NCAPD3: variants seen among roughly 807,000 people sequenced by gnomAD.
NCAPD3 encodes the protein non-SMC condensin II complex subunit D3.
A neutral mutation model predicts 182.9 loss-of-function variants in NCAPD3; 105 were observed. The ratio of observed to expected loss-of-function variants is 0.57; its 90% CI spans 0.49 to 0.68. The LOEUF is 0.68. Ranked by LOEUF, NCAPD3 falls within the 30% of genes least tolerant of loss-of-function variation. NCAPD3 has a pLI of 0.00. For synonymous variants in NCAPD3, 815 were observed against 679.9 expected, an observed-to-expected ratio of 1.20 and a Z score of -3.09; for missense variants, 1,944 against 1,837.0, an observed-to-expected ratio of 1.06 and a Z score of -1.07.
rs527285444 is a variant in NCAPD3, at chr11:134,152,966, G to T, written c.4475C>A (p.Thr1492Asn). 65 of 1,564,442 alleles carry T rather than the reference G, an allele frequency of 4.2e-5. 2 individuals carry two copies. Among genetic ancestry groups the T allele is most frequent in the South Asian group, 1.5e-4 (12 of 81,978 alleles). Residue 1492 changes from threonine (T) to asparagine (N), a missense_variant, in exon 35 of 35, where the codon ACC becomes AAC. Transcript: ENST00000534548. The stretch of plus-strand genomic sequence containing the variant: ...TGTTTAGTTGGCTGTTTTCAGAGGG[G>T]TCTTTCGGAGGGACCTCCTGCTGCA... Reference protein sequence around the residue: ...PACSRRSLRKTPLKTAN With the variant: ...PACSRRSLRKNPLKTAN
chr11:134,223,631 G>T (rs1296311814), intron 1 of NCAPD3: 4 of 653,728 alleles, frequency 6.1e-6, no homozygotes, highest in South Asian at 1.7e-5. Flanking sequence ...GGCGCTAGAA[G>T]AGACTGGCCA....
At chr11:134,153,570 G>C (rs1943326235) in intron 32 of NCAPD3, 4 of 600,990 alleles carry the variant, frequency 6.7e-6, no homozygotes, top group South Asian at 3.8e-5. Context: ...CCCCTTCTCT[G>C]ACCCGCAGCC....
intron 13 of NCAPD3, among the ~76,000 whole-genome samples, chr11:134,197,962 T>C (rs938043592): frequency 1.3e-5 from 2 of 152,030 alleles, no homozygotes; most frequent in Non-Finnish European, 2.9e-5. Context: ...TCCCCCTAAG[T>C]AAAGAAAAAA....
intron 29 of NCAPD3, 135 bp from the exon 30 acceptor site, chr11:134,158,630 G>T: frequency 1.1e-6 from 1 of 922,246 alleles, no homozygotes; most frequent in Non-Finnish European, 1.6e-6. Flanking sequence ...TCAAATCAGG[G>T]TAATTGGCAT....
chr11:134,153,149 G>A lies in NCAPD3; in HGVS notation c.4379C>T (p.Pro1460Leu), dbSNP rs1363891491. Residue 1460 changes from proline to leucine, a missense_variant, in exon 34 of 35, where the codon CCT (proline) becomes CTT (leucine). This residue lies in a region of NCAPD3 where 1,803 missense variants were observed against 1,674.6 expected (regional missense o/e 1.08). Transcript: ENST00000534548. ...QGNDILCLSL[P>L]DKPPPQPQQW... is the part of the protein sequence containing the mutation. ...ACACTGCTAAACTTACGGTTTATCA[G>A]GCAGTGATAAACATAAGATGTCATT... The A allele has an allele frequency of 3.1e-6, 5 of 1,613,958 alleles. No homozygotes were observed. Among genetic ancestry groups the A allele is most frequent in the East Asian group, 2.2e-5 (1 of 44,874 alleles).
chr11:134,158,722 AT>A lies in NCAPD3; in HGVS notation c.3868-228del, dbSNP rs199648841. On this transcript the variant is annotated intron_variant, in intron 29 of 34. Coordinates refer to ENST00000534548, the MANE Select transcript of NCAPD3 (RefSeq NM_015261.3). ...CTATGTACTTTGAAATATACAGTAA[AT>A]TGTTAAACTGTAATATCTCCACTGT... Among the ~76,000 whole-genome samples, 1,133 of 152,246 alleles carry A rather than the reference AT, an allele frequency of 7.4e-3. 8 individuals are homozygous for A. The highest frequency in any genetic ancestry group is 0.026 in the African/African-American group (1,069 of 41,530).
rs1306046423 is a variant in NCAPD3, at chr11:134,177,342, G to A, written c.2898C>T (p.Cys966=). ...AVRNNVIIVM[C]DLCIRYTIMV... ...TGATGGTGTAGCGAATGCAGAGATC[G>A]CACATTACAATGATGACGTTGTTGC... Residue 966 remains cysteine (C), a synonymous_variant, in exon 23 of 35, where the codon TGC becomes TGT. Coordinates refer to ENST00000534548, the MANE Select transcript of NCAPD3 (RefSeq NM_015261.3). The A allele has an allele frequency of 2.5e-6, 4 of 1,614,088 alleles. No individual in the cohort carries two copies. Among genetic ancestry groups the A allele is most frequent in the South Asian group, 1.1e-5 (1 of 91,088 alleles).
chr11:134,166,006 CACTT>C (rs757926122), intron 27 of NCAPD3, among the ~76,000 whole-genome samples: 33 of 130,326 alleles, frequency 2.5e-4, no homozygotes, highest in East Asian at 2.7e-4. Flanking sequence ...GCAGCACACT[CACTT>C]GTGAGATGAG....
intron 24 of NCAPD3, among the ~76,000 whole-genome samples, chr11:134,170,068 A>C (rs11606866): frequency 0.078 from 11,851 of 152,288 alleles, 597 homozygotes; most frequent in Admixed American, 0.11. Context: ...CCAAAATTCA[A>C]ATCAGTTTGT....
At chr11:134,187,473 T>G (rs997986423) in intron 16 of NCAPD3, among the ~76,000 whole-genome samples, 2 of 152,164 alleles carry the variant, frequency 1.3e-5, no homozygotes, top group Non-Finnish European at 2.9e-5. Flanking sequence ...CTGCCCGACT[T>G]CTGCTCTCCA....
chr11:134,216,823 G>A (rs944267408), intron 3 of NCAPD3, 113 bp downstream of exon 3: 1 of 1,089,344 alleles, frequency 9.2e-7, no homozygotes, highest in Non-Finnish European at 1.3e-6. Context: ...TCTGCCATGG[G>A]TTAGCACTGC....
chr11:134,157,111 T>A lies in NCAPD3; in HGVS notation c.4175-16A>T, dbSNP rs950371043. ...TATGAAGACACTAGAACAGAAAAGGTGCTGCTATCCAGAAATACCCCCAAA... is the reference window on the plus strand; with the variant it reads ...TATGAAGACACTAGAACAGAAAAGGAGCTGCTATCCAGAAATACCCCCAAA... On this transcript the variant is annotated splice_polypyrimidine_tract_variant and intron_variant, in intron 31 of 34. Transcript: ENST00000534548. The A allele has an allele frequency of 6.3e-7, 1 of 1,599,472 alleles. No individual in the cohort carries two copies. Among genetic ancestry groups the A allele is most frequent in the South Asian group, 1.1e-5 (1 of 89,604 alleles).
chr11:134,181,141 T>G lies in NCAPD3; in HGVS notation c.2495A>C (p.Glu832Ala). The G allele has an allele frequency of 6.2e-7, 1 of 1,614,128 alleles. No individual in the cohort carries two copies. Residue 832 changes from glutamate to alanine, a missense_variant, in exon 20 of 35, where the codon GAG (glutamate) becomes GCG (alanine). Coordinates refer to ENST00000534548, the MANE Select transcript of NCAPD3 (RefSeq NM_015261.3). The part of the protein sequence containing the change: ...QVCGDVLSTC[E>A]HRLSNIVLKE... ...GAGAACGATGTTGGAGAGGCGGTGC[T>G]CGCAGGTGGAGAGTACATCCCCACA...
In NCAPD3 at chr11:134,180,995, C is replaced by T. The variant is rs186652670; in HGVS notation, c.2559+82G>A. On this transcript the variant is annotated intron_variant, in intron 20 of 34. Transcript: ENST00000534548. The stretch of plus-strand genomic sequence containing the variant: ...GCTCTTTTGTTAAAAGCATTTAAAG[C>T]GTACATGACAAAGTCATCTTTAATA... 3.0e-5 allele frequency: 29 copies of T among 972,634 alleles called. No individual in the cohort carries two copies. The Middle Eastern group carries it at 6.2e-4, about 21-fold the overall frequency. 60.3% of individuals were successfully genotyped at this position (972,634 alleles called of 1,614,324 possible). A position where few individuals can be genotyped will look rare whatever the true frequency, so the allele number is the denominator to read the frequency against.
intron 19 of NCAPD3, among the ~76,000 whole-genome samples, chr11:134,183,614 T>C (rs1944341737): frequency 6.6e-6 from 1 of 152,184 alleles, no homozygotes; most frequent in South Asian, 2.1e-4. Flanking sequence ...GGTCTTGAGA[T>C]AAAGGGTTAG....
chr11:134,159,584 G>A (rs1013810039), intron 29 of NCAPD3, among the ~76,000 whole-genome samples: 2 of 152,342 alleles, frequency 1.3e-5, no homozygotes, highest in South Asian at 4.1e-4. Flanking sequence ...CTGCTCTAAA[G>A]AGGGAGTGCT....
intron 27 of NCAPD3, among the ~76,000 whole-genome samples, chr11:134,166,946 C>G (rs1444446837): frequency 7.9e-6 from 1 of 126,594 alleles, no homozygotes; most frequent in Admixed American, 7.8e-5. Flanking sequence ...GAGCTGCACA[C>G]TCACTAGTGA....
chr11:134,165,778 C>CACTA (rs1943764744), intron 27 of NCAPD3, among the ~76,000 whole-genome samples: 1 of 133,510 alleles, frequency 7.5e-6, no homozygotes, highest in African/African-American at 2.9e-5. Flanking sequence ...GGTACACACT[C>CACTA]GTGAGAGGAG....
rs1226408905 is a variant in NCAPD3, at chr11:134,151,438, G to A, written c.*1506C>T. ...TCCAGCCTCCTTCTTGGTTGTCATA[G>A]TGATAGGGTAGCCTTATTGCCCCCT... is the stretch of plus-strand genomic sequence containing the variant. On this transcript the variant is annotated 3_prime_UTR_variant, in exon 35 of 35. Transcript: ENST00000534548. 6.6e-6 allele frequency: 1 copy of A among 152,194 alleles called. No homozygotes were observed. The highest frequency in any genetic ancestry group is 6.5e-5 in the Admixed American group (1 of 15,276). 9.4% of individuals were successfully genotyped at this position (152,194 alleles called of 1,614,324 possible).
Sources: allele counts gnomAD v4.1 joint callset (sites outside exome capture counted in the v4.1 genomes callset), GRCh38; gene constraint gnomAD v4.1.1; regional missense constraint gnomAD v4.1.1; transcripts MANE v1.5; gene names NCBI Gene and HGNC (gene_info 2026-07-23, HGNC 2026-07-21).